The following CADM2 variants were observed in gnomAD, a reference collection of about 807,000 sequenced individuals.
CADM2 encodes the protein immunoglobulin superfamily member 4D.
A neutral mutation model predicts 49.8 loss-of-function variants in CADM2; 12 were observed. The observed-to-expected ratio is 0.24, with a 90% confidence interval of 0.15 to 0.39. The LOEUF (loss-of-function observed/expected upper bound fraction) is 0.39, where lower values mean the gene tolerates loss of function less well. CADM2 is among the 10% of genes least tolerant of loss of function. The pLI is 1.00. For synonymous variants in CADM2, 214 were observed against 175.4 expected (o/e 1.22, Z -1.74); for missense variants, 378 against 492.3 (o/e 0.77, Z 2.20).
intron 2 of CADM2, among the ~76,000 whole-genome samples, chr3:85,730,117 G>C (rs1446443731): frequency 1.3e-5 from 2 of 151,998 alleles, no homozygotes; most frequent in Non-Finnish European, 2.9e-5. Context: ...TATCCCTATA[G>C]TGTCTTTTGC....
intron 7 of CADM2, among the ~76,000 whole-genome samples, chr3:85,938,599 G>T (rs971198559): frequency 6.6e-6 from 1 of 152,028 alleles, no homozygotes; most frequent in African/African-American, 2.4e-5. Flanking sequence ...CAATCAGCAG[G>T]TTAGAATTCC....
At chr3:85,260,187 T>A (rs1323056410) in intron 1 of CADM2, among the ~76,000 whole-genome samples, 3 of 152,128 alleles carry the variant, frequency 2.0e-5, no homozygotes, top group Non-Finnish European at 4.4e-5. Flanking sequence ...CATGAATATA[T>A]GTGATTATAC....
At chr3:85,722,820 C>T (rs2067556237) in intron 1 of CADM2, among the ~76,000 whole-genome samples, 1 of 152,140 alleles carries the variant, frequency 6.6e-6, no homozygotes, top group South Asian at 2.1e-4. Context: ...CTAATAGTCC[C>T]TGAATTCCAT....
chr3:86,008,905 G>A (rs1357771238), intron 8 of CADM2, among the ~76,000 whole-genome samples: 2 of 151,594 alleles, frequency 1.3e-5, no homozygotes, highest in Non-Finnish European at 3.0e-5. Flanking sequence ...CAATGCATTT[G>A]ATGTAAAATG....
At chr3:85,727,559 C>T (rs2067752586) in intron 2 of CADM2, among the ~76,000 whole-genome samples, 1 of 151,934 alleles carries the variant, frequency 6.6e-6, no homozygotes, top group South Asian at 2.1e-4. Flanking sequence ...TGGCTGTGAA[C>T]AAAATAAATA....
At chr3:85,284,921 A>G (rs2106905731) in intron 1 of CADM2, among the ~76,000 whole-genome samples, 1 of 152,160 alleles carries the variant, frequency 6.6e-6, no homozygotes, top group Admixed American at 6.6e-5. Flanking sequence ...TTAGGGAGAG[A>G]CAACGAAAAA....
chr3:84,961,387 T>C (rs1261099293), intron 1 of CADM2, among the ~76,000 whole-genome samples: 1 of 152,188 alleles, frequency 6.6e-6, no homozygotes, highest in Non-Finnish European at 1.5e-5. Flanking sequence ...TATTTTACGT[T>C]GGGTGTAAAT....
rs534188180 is a variant in CADM2 at position 85,803,307 on chromosome 3, C to T, written c.238+1111C>T. Among the ~76,000 whole-genome samples the T allele has an allele frequency of 2.0e-5, 3 of 152,148 alleles. No individual in the cohort carries two copies. The South Asian group carries it at 6.2e-4, about 32-fold the overall frequency. The stretch of plus-strand genomic sequence containing the variant: ...CATTAAAATTAGGGAGCAGGAAGTT[C>T]ATAGTGTCTGCCTTTTTAGGGAATA... On this transcript the variant is annotated intron_variant, in intron 3 of 9. Coordinates refer to ENST00000383699, the MANE Select transcript of CADM2 (RefSeq NM_001167675.2).
At chr3:84,972,498 T>C (rs2031519977) in intron 1 of CADM2, among the ~76,000 whole-genome samples, 1 of 152,246 alleles carries the variant, frequency 6.6e-6, no homozygotes, top group African/African-American at 2.4e-5. Flanking sequence ...TTTGTAGCCA[T>C]TGGCCTGAGT....
chr3:85,367,623 G>T (rs139370619), intron 1 of CADM2, among the ~76,000 whole-genome samples: 4 of 151,912 alleles, frequency 2.6e-5, no homozygotes, highest in East Asian at 1.9e-4. Context: ...ATTAGAAAAA[G>T]AATTGACATA....
intron 1 of CADM2, among the ~76,000 whole-genome samples, chr3:85,176,991 G>T (rs76922406): frequency 0.032 from 4,894 of 152,138 alleles, 108 homozygotes; most frequent in East Asian, 0.044. Context: ...CATGAACTTT[G>T]GCTGAAGATG....
chr3:85,753,326 G>A (rs1205569870), intron 2 of CADM2, among the ~76,000 whole-genome samples: 1 of 151,894 alleles, frequency 6.6e-6, no homozygotes, highest in Non-Finnish European at 1.5e-5. Context: ...AAGAGGAAGG[G>A]GAAAGAAAGG....
chr3:86,014,450 A>G, intron 8 of CADM2: 1 of 1,495,698 alleles, frequency 6.7e-7, no homozygotes, highest in South Asian at 1.4e-5. Flanking sequence ...GGTTTGAGGA[A>G]GCCACAAATT....
chr3:84,959,490 A>G lies in CADM2; in HGVS notation c.-118A>G, dbSNP rs1428871347. ...GGGTTCGAACACCGCAGCGGTGGGGACGGTGGGTCCGGCGGGCGCCGGGAG... is the reference window on the plus strand; with the variant it reads ...GGGTTCGAACACCGCAGCGGTGGGGGCGGTGGGTCCGGCGGGCGCCGGGAG... On this transcript the variant is annotated 5_prime_UTR_variant, in exon 1 of 10. Transcript: ENST00000383699. 10 of 969,838 alleles carry G rather than the reference A, an allele frequency of 1.0e-5. No individual in the cohort carries two copies. Among genetic ancestry groups the G allele is most frequent in the Non-Finnish European group, 1.5e-5 (10 of 649,568 alleles). The allele number at this position is 969,838 out of a possible 1,614,324, so 60.1% of individuals were successfully genotyped here. A position where few individuals can be genotyped will look rare whatever the true frequency, so the allele number is the denominator to read the frequency against.
intron 3 of CADM2, among the ~76,000 whole-genome samples, chr3:85,854,466 C>A (rs890027931): frequency 3.3e-5 from 5 of 152,170 alleles, no homozygotes; most frequent in Non-Finnish European, 7.3e-5. Context: ...AGGATGAATT[C>A]ATGTCCTTTG....
At chr3:85,197,307 G>A (rs2041366779) in intron 1 of CADM2, among the ~76,000 whole-genome samples, 1 of 151,768 alleles carries the variant, frequency 6.6e-6, no homozygotes, top group Non-Finnish European at 1.5e-5. Context: ...TGTGTTAATG[G>A]AGGCTTAACA....
intron 1 of CADM2, among the ~76,000 whole-genome samples, chr3:85,369,561 G>C (rs541796282): frequency 1.7e-3 from 259 of 152,256 alleles, no homozygotes; most frequent in Non-Finnish European, 2.6e-3. Flanking sequence ...CCTGAGGTCG[G>C]GAGTTCGAGA....
chr3:86,060,598 A>G (rs1295608583), intron 8 of CADM2, among the ~76,000 whole-genome samples: 1 of 152,160 alleles, frequency 6.6e-6, no homozygotes, highest in Non-Finnish European at 1.5e-5. Flanking sequence ...TGTTCCTTAA[A>G]CCTCTTTTTC....
chr3:85,329,936 C>A (rs1262284762), intron 1 of CADM2, among the ~76,000 whole-genome samples: 3 of 152,082 alleles, frequency 2.0e-5, no homozygotes, highest in African/African-American at 7.2e-5. Context: ...GTAGCAAGTA[C>A]CATGTCTCCT....
Sources: gnomAD v4.1 joint callset for allele counts (sites outside exome capture counted in the v4.1 genomes callset) on GRCh38, gnomAD v4.1.1 for gene constraint, MANE v1.5 for transcripts, NCBI Gene and HGNC (gene_info 2026-07-23, HGNC 2026-07-21) for gene names.